The following TSHZ2 variants were observed in gnomAD, a reference collection of about 807,000 sequenced individuals.
The protein encoded by TSHZ2 is teashirt zinc finger homeobox 2.
Under a neutral mutation model 74.4 loss-of-function variants are expected in TSHZ2, and 21 were observed. That is an observed-to-expected ratio of 0.28 (90% confidence interval 0.20 to 0.41). The LOEUF is 0.41. Ranked by LOEUF, TSHZ2 falls within the 10% of genes least tolerant of loss-of-function variation. The pLI is 1.00. For missense variants in TSHZ2, 1,244 were observed against 1,293.5 expected, an observed-to-expected ratio of 0.96 and a Z score of 0.59; for synonymous variants, 540 against 515.3, an observed-to-expected ratio of 1.05 and a Z score of -0.65.
intron 2 of TSHZ2, among the ~76,000 whole-genome samples, chr20:53,302,508 A>G (rs1978349830): frequency 6.6e-6 from 1 of 152,192 alleles, no homozygotes; most frequent in Admixed American, 6.5e-5. Flanking sequence ...GAAAATAAAT[A>G]TTCTGTTGCC....
chr20:53,003,067 TTATC>T (rs769191670), intron 1 of TSHZ2, among the ~76,000 whole-genome samples: 56 of 152,198 alleles, frequency 3.7e-4, no homozygotes, highest in Admixed American at 1.2e-3. Flanking sequence ...GACAAATACA[TTATC>T]TAATAAAGCT....
chr20:53,254,294 T>C lies in TSHZ2; in HGVS notation c.836T>C (p.Phe279Ser), dbSNP rs1990408450. Residue 279 changes from phenylalanine to serine, a missense_variant, in exon 2 of 3, where the codon TTT (phenylalanine) becomes TCT (serine). Coordinates refer to ENST00000371497, the MANE Select transcript of TSHZ2 (RefSeq NM_173485.6). Reference sequence around the variant, plus strand: ...GCTCAAAAGGTTCTGAAATGTATGTTTTGTGGCGACTCCTTTGATTCCCTC... The same window carrying C: ...GCTCAAAAGGTTCTGAAATGTATGTCTTGTGGCGACTCCTTTGATTCCCTC... Reference protein sequence around the residue: ...EDAQKVLKCMFCGDSFDSLQD... With the variant: ...EDAQKVLKCMSCGDSFDSLQD... The C allele has an allele frequency of 1.2e-6, 2 of 1,614,144 alleles. No individual in the cohort carries two copies. The highest frequency in any genetic ancestry group is 4.5e-5 in the East Asian group (2 of 44,882).
intron 1 of TSHZ2, among the ~76,000 whole-genome samples, chr20:53,230,089 G>T (rs1158904826): frequency 6.6e-6 from 1 of 152,010 alleles, no homozygotes; most frequent in Non-Finnish European, 1.5e-5. Flanking sequence ...ATAGACTGTA[G>T]TCTTTCCTGT....
rs115372321 is a variant in TSHZ2, at chr20:53,447,606, A to G, written c.*9-39538A>G. ...TAACTTGGGCTCTTACATTGGATTT[A>G]GTTCTTGTGTGTCCTTCCCTTTCCA... On this transcript the variant is annotated intron_variant, in intron 2 of 2. Transcript: ENST00000371497. Among the ~76,000 whole-genome samples the G allele has an allele frequency of 6.4e-3, 970 of 152,310 alleles. 16 individuals carry two copies. The highest frequency in any genetic ancestry group is 0.021 in the African/African-American group (860 of 41,570).
At chr20:53,270,985 A>G (rs1990823356) in intron 2 of TSHZ2, among the ~76,000 whole-genome samples, 1 of 152,174 alleles carries the variant, frequency 6.6e-6, no homozygotes, top group South Asian at 2.1e-4. Context: ...TCCCGTGAGC[A>G]GTAACCATGG....
At chr20:53,219,496 A>G (rs1989508449) in intron 1 of TSHZ2, among the ~76,000 whole-genome samples, 1 of 152,184 alleles carries the variant, frequency 6.6e-6, no homozygotes, top group South Asian at 2.1e-4. Context: ...AATTATTGTT[A>G]TTCATCTTTT....
At chr20:53,170,941 GA>G (rs1013675994) in intron 1 of TSHZ2, among the ~76,000 whole-genome samples, 9 of 139,058 alleles carry the variant, frequency 6.5e-5, no homozygotes, top group African/African-American at 2.2e-4. Flanking sequence ...AAAATGAAAA[GA>G]AAAAAAGTAA....
intron 2 of TSHZ2, among the ~76,000 whole-genome samples, chr20:53,355,101 C>A (rs1980796691): frequency 6.6e-6 from 1 of 151,984 alleles, no homozygotes. Flanking sequence ...ACTGAGGATA[C>A]AATAATGATC....
intron 1 of TSHZ2, among the ~76,000 whole-genome samples, chr20:53,069,956 T>C (rs1231856233): frequency 6.6e-6 from 1 of 152,238 alleles, no homozygotes; most frequent in Non-Finnish European, 1.5e-5. Flanking sequence ...ACTATCCATC[T>C]ATGTATTGTT....
At chr20:53,441,427 G>A (rs998531897) in intron 2 of TSHZ2, among the ~76,000 whole-genome samples, 5 of 151,478 alleles carry the variant, frequency 3.3e-5, no homozygotes, top group African/African-American at 4.9e-5. Context: ...CACCAAAACC[G>A]GCTAGGTTTT....
At chr20:53,152,170 T>C (rs1987690021) in intron 1 of TSHZ2, among the ~76,000 whole-genome samples, 1 of 152,166 alleles carries the variant, frequency 6.6e-6, no homozygotes, top group Non-Finnish European at 1.5e-5. Context: ...CATTGTACAA[T>C]AGTTTGATTG....
chr20:53,140,495 A>G (rs1293419), intron 1 of TSHZ2, among the ~76,000 whole-genome samples: 146,996 of 147,030 alleles, frequency 1, 73,481 homozygotes, highest in South Asian at 1. Context: ...AGCTGAGATC[A>G]CGCCACTGCA....
At chr20:53,472,211 G>A (rs941919916) in intron 2 of TSHZ2, among the ~76,000 whole-genome samples, 1 of 152,160 alleles carries the variant, frequency 6.6e-6, no homozygotes, top group Admixed American at 6.5e-5. Context: ...GACACCAAGT[G>A]GACTAAAACA....
Position 53,254,414 on chromosome 20 carries a change from C to A in TSHZ2, c.956C>A (p.Pro319Gln), listed in dbSNP as rs749729408. ...ACCATTTCCTCGAAAATGGTCACCC[C>A]GGCTAAGAAACGCGTTTTTGATGTC... ...VPTISSKMVTPAKKRVFDVNR... is the reference protein window; with the variant it reads ...VPTISSKMVTQAKKRVFDVNR... The change falls in exon 2 of 3, where the codon CCG becomes CAG. Residue 319 changes from proline to glutamine, a missense_variant. This residue lies in a region of TSHZ2 where 470 missense variants were observed against 456.5 expected (regional missense o/e 1.03). Coordinates refer to ENST00000371497, the MANE Select transcript of TSHZ2 (RefSeq NM_173485.6). 6.2e-7 allele frequency: 1 copy of A among 1,613,522 alleles called. No homozygotes were observed. Among genetic ancestry groups the A allele is most frequent in the Non-Finnish European group, 8.5e-7 (1 of 1,179,494 alleles).
At chr20:53,362,374 C>T (rs1420642821) in intron 2 of TSHZ2, among the ~76,000 whole-genome samples, 5 of 151,364 alleles carry the variant, frequency 3.3e-5, no homozygotes, top group African/African-American at 7.3e-5. Context: ...TTGGTAGAGA[C>T]GGGGTTTCGC....
chr20:53,202,218 A>C (rs1438938207), intron 1 of TSHZ2, among the ~76,000 whole-genome samples: 1 of 152,180 alleles, frequency 6.6e-6, no homozygotes, highest in Non-Finnish European at 1.5e-5. Flanking sequence ...TAGAGGGTCG[A>C]TGAGTACCTG....
chr20:52,991,957 AT>A (rs1982013496), intron 1 of TSHZ2, among the ~76,000 whole-genome samples: 1 of 152,134 alleles, frequency 6.6e-6, no homozygotes, highest in Non-Finnish European at 1.5e-5. Context: ...GTCACAGTGT[AT>A]TTTCCTGGGG....
intron 1 of TSHZ2, among the ~76,000 whole-genome samples, chr20:53,092,143 A>C (rs1042681867): frequency 6.6e-6 from 1 of 152,072 alleles, no homozygotes; most frequent in Non-Finnish European, 1.5e-5. Context: ...CATCACACTC[A>C]CAATATCGTT....
intron 1 of TSHZ2, among the ~76,000 whole-genome samples, chr20:53,145,202 C>T (rs1987509970): frequency 6.6e-6 from 1 of 152,130 alleles, no homozygotes; most frequent in Admixed American, 6.5e-5. Flanking sequence ...AGAAATTTCT[C>T]CCATGGTTCC....
Sources: allele counts gnomAD v4.1 joint callset (sites outside exome capture counted in the v4.1 genomes callset), GRCh38; gene constraint gnomAD v4.1.1; regional missense constraint gnomAD v4.1.1; transcripts MANE v1.5; gene names NCBI Gene and HGNC (gene_info 2026-07-23, HGNC 2026-07-21).